EXOSC4: variants seen among roughly 807,000 people sequenced by gnomAD.
EXOSC4 encodes the protein exosome component 4.
In EXOSC4, 14 loss-of-function variants were observed where a neutral mutation model predicts 20.0. That is an observed-to-expected ratio of 0.70 (90% CI 0.46 to 1.09). The LOEUF (loss-of-function observed/expected upper bound fraction) is 1.09, where lower values mean the gene tolerates loss of function less well. Among genes scored for constraint, EXOSC4 ranks in the 50% least tolerant of loss-of-function variants. EXOSC4 has a pLI of 0.00. For missense variants in EXOSC4, 337 were observed against 334.0 expected (o/e 1.01, Z -0.07); for synonymous variants, 148 against 146.4 (o/e 1.01, Z -0.08).
At chr8:144,066,735 G>T in the EXOSC4 span, among the ~76,000 whole-genome samples, 1 of 151,916 alleles carries the variant, frequency 6.6e-6, no homozygotes, top group African/African-American at 2.4e-5. Flanking sequence ...ACAAGTATGA[G>T]CCACCAAGCC....
upstream of EXOSC4, chr8:144,078,330 C>T (rs781930524): frequency 1.5e-4 from 25 of 167,646 alleles, no homozygotes; most frequent in Non-Finnish European, 2.1e-4. This position sits in a 1 kb window ranked among gnomAD's most constrained non-coding sequence, Gnocchi z 4.7. Context: ...CACCACTGGT[C>T]ACGAGGGCGT....
At chr8:144,066,473 A>C in the EXOSC4 span, among the ~76,000 whole-genome samples, 4 of 96,026 alleles carry the variant, frequency 4.2e-5, no homozygotes, top group African/African-American at 4.4e-5. Context: ...ACAGAGTCTC[A>C]CTCTGTCACC....
upstream of EXOSC4, chr8:144,078,664 C>T (rs978306897): frequency 1.9e-5 from 25 of 1,343,450 alleles, no homozygotes; most frequent in African/African-American, 1.4e-4. This position sits in a 1 kb window ranked among gnomAD's most constrained non-coding sequence, Gnocchi z 4.7. Flanking sequence ...TCGGAGCCGC[C>T]GGGAGCTGTA....
chr8:144,077,069 CA>C (rs34195797), upstream of EXOSC4, among the ~76,000 whole-genome samples: 374 of 98,036 alleles, frequency 3.8e-3, no homozygotes, highest in African/African-American at 8.2e-3. Flanking sequence ...ACTCCATCTC[CA>C]AAAAAAAAAA....
rs113319063 is a variant in EXOSC4 at position 144,080,595 on chromosome 8, G to A, written c.732G>A (p.Gly244=). The part of the protein sequence containing the change: ...QHVREASILL[G]D ...TGCGTGAGGCCTCTATCTTGCTGGG[G>A]GACTGACCACCCAGCCACCCATGTC... Residue 244 remains glycine (G), a synonymous_variant, in exon 3 of 3, where the codon GGG becomes GGA. Transcript: ENST00000316052. This position sits in a 1 kb window ranked among gnomAD's most constrained non-coding sequence, Gnocchi z 4.9. 2,949 of 1,596,730 alleles carry A rather than the reference G, an allele frequency of 1.8e-3. 2 individuals carry two copies. The highest frequency in any genetic ancestry group is 4.8e-3 in the Middle Eastern group (26 of 5,384).
At chr8:144,074,533 C>T (rs1016141222), upstream of EXOSC4, among the ~76,000 whole-genome samples, 1 of 152,146 alleles carries the variant, frequency 6.6e-6, no homozygotes, top group Non-Finnish European at 1.5e-5. Context: ...AAAACCCAAA[C>T]TCAAATTCAT....
upstream of EXOSC4, chr8:144,078,007 G>A (rs984408066): frequency 8.5e-5 from 13 of 152,210 alleles, no homozygotes; most frequent in African/African-American, 2.9e-4. The surrounding 1 kb of genome is among the most constrained non-coding windows in gnomAD (Gnocchi z 4.7). Context: ...CATAATAATA[G>A]AATGATTTTT....
At chr8:144,076,050 T>G (rs1336739053), upstream of EXOSC4, among the ~76,000 whole-genome samples, 1 of 152,220 alleles carries the variant, frequency 6.6e-6, no homozygotes, top group Non-Finnish European at 1.5e-5. Context: ...GTGCCTAGAC[T>G]GTTTGTACAA....
the EXOSC4 span, among the ~76,000 whole-genome samples, chr8:144,065,141 A>T: frequency 1.3e-4 from 19 of 151,954 alleles, no homozygotes; most frequent in Admixed American, 1.1e-3. Context: ...CACCGCGCCC[A>T]GCCTCCAATC....
the EXOSC4 span, among the ~76,000 whole-genome samples, chr8:144,064,509 C>G: frequency 6.6e-6 from 1 of 152,242 alleles, no homozygotes; most frequent in Non-Finnish European, 1.5e-5. Context: ...GCCGAGAGCA[C>G]GCTAGGACAG....
In EXOSC4 at chr8:144,078,842, G is replaced by C; in HGVS notation, c.114G>C (p.Ser38=). 1 of 1,578,820 alleles carries C rather than the reference G, an allele frequency of 6.3e-7. No homozygotes were observed. Among genetic ancestry groups the C allele is most frequent in the Non-Finnish European group, 8.6e-7 (1 of 1,165,320 alleles). ...RMGVFAQADG[S]AYIEQGNTKA... ...GCGTGTTCGCGCAGGCTGACGGCTC[G>C]GCCTACATTGAGCAGGGCAACACCA... Residue 38 remains serine, a synonymous_variant, in exon 1 of 3, where the codon TCG becomes TCC. Transcript: ENST00000316052. This position sits in a 1 kb window ranked among gnomAD's most constrained non-coding sequence, Gnocchi z 4.7.
At chr8:144,072,266 C>T in the EXOSC4 span, among the ~76,000 whole-genome samples, 1 of 152,138 alleles carries the variant, frequency 6.6e-6, no homozygotes, top group Non-Finnish European at 1.5e-5. Flanking sequence ...CTGCAAGCTC[C>T]ACCTCCCGGG....
At chr8:144,071,297 C>T in the EXOSC4 span, among the ~76,000 whole-genome samples, 1 of 91,420 alleles carries the variant, frequency 1.1e-5, no homozygotes, top group African/African-American at 4.5e-5. Flanking sequence ...CCGCTCCCCT[C>T]TCCTCCCCTC....
rs147484417 is a variant in EXOSC4, at chr8:144,079,109, C to T, written c.171+210C>T. Reference sequence around the variant, plus strand: ...TTTCTCATCGGCCTCTGTCCCTGCGCCCTCCTTCCTCTTTGCGGCTCTTCA... The same window carrying T: ...TTTCTCATCGGCCTCTGTCCCTGCGTCCTCCTTCCTCTTTGCGGCTCTTCA... On this transcript the variant is annotated intron_variant, in intron 1 of 2. Transcript: ENST00000316052. 805 of 487,216 alleles carry T rather than the reference C, an allele frequency of 1.7e-3. 3 individuals are homozygous for T. The highest frequency in any genetic ancestry group is 0.015 in the African/African-American group (722 of 49,612). 30.2% of individuals were successfully genotyped at this position (487,216 alleles called of 1,614,324 possible).
rs1132182 is a variant in EXOSC4, at chr8:144,080,497, C to G, written c.634C>G (p.Arg212Gly). 6.2e-7 allele frequency: 1 copy of G among 1,606,388 alleles called. No homozygotes were observed. Among genetic ancestry groups the G allele is most frequent in the Admixed American group, 1.7e-5 (1 of 60,020 alleles). ...DARLHEDHLE[R>G]VLEAAAQAAR... ...CCGGCTGCACGAGGACCACCTGGAG[C>G]GGGTGTTGGAGGCTGCTGCCCAGGC... Residue 212 changes from arginine (R) to glycine (G), a missense_variant, in exon 3 of 3, where the codon CGG (arginine) becomes GGG (glycine). By Grantham distance (125) the Arg-to-Gly change is moderately radical. Transcript: ENST00000316052. The surrounding 1 kb of genome is among the most constrained non-coding windows in gnomAD (Gnocchi z 4.9).
At chr8:144,078,477 G>A (rs1835858291), upstream of EXOSC4, 4 of 359,184 alleles carry the variant, frequency 1.1e-5, no homozygotes, top group Non-Finnish European at 2.0e-5. The surrounding 1 kb of genome is among the most constrained non-coding windows in gnomAD (Gnocchi z 4.7). Flanking sequence ...GAGCCGGACC[G>A]CCGGAAACCG....
upstream of EXOSC4, chr8:144,078,457 G>A (rs190311320): frequency 1.1e-4 from 35 of 326,004 alleles, no homozygotes; most frequent in Admixed American, 3.5e-4. The surrounding 1 kb of genome is among the most constrained non-coding windows in gnomAD (Gnocchi z 4.7). Flanking sequence ...GTTCCCCGGA[G>A]ACAGAAGTAG....
the EXOSC4 span, among the ~76,000 whole-genome samples, chr8:144,073,380 C>T: frequency 1.3e-5 from 2 of 151,944 alleles, no homozygotes; most frequent in South Asian, 4.2e-4. Flanking sequence ...AATGAGATTC[C>T]TTCTCAAAAA....
At chr8:144,073,245 G>T in the EXOSC4 span, among the ~76,000 whole-genome samples, 2 of 152,038 alleles carry the variant, frequency 1.3e-5, no homozygotes, top group Non-Finnish European at 2.9e-5. Flanking sequence ...AATTAGCCAG[G>T]CGTGGTGGCG....
Sources: gnomAD v4.1 joint callset for allele counts (sites outside exome capture counted in the v4.1 genomes callset) on GRCh38, gnomAD v4.1.1 for gene constraint, Gnocchi (gnomAD v3.1) non-coding constraint, MANE v1.5 for transcripts, NCBI Gene and HGNC (gene_info 2026-07-23, HGNC 2026-07-21) for gene names.